The following CFAP46 variants were observed in gnomAD, a reference collection of about 807,000 sequenced individuals.
CFAP46 encodes cilia and flagella associated protein 46.
A neutral mutation model predicts 325.7 loss-of-function variants in CFAP46; 245 were observed. The observed-to-expected ratio is 0.75, with a 90% confidence interval of 0.68 to 0.84. The LOEUF is 0.84. Among genes scored for constraint, CFAP46 ranks in the 40% least tolerant of loss-of-function variants. The probability of loss-of-function intolerance (pLI) is 0.00; values close to 1 mark genes in which losing one functional copy is unlikely to be tolerated. For synonymous variants in CFAP46, 1,523 were observed against 1,495.9 expected (o/e 1.02, Z -0.42); for missense variants, 3,346 against 3,543.0 (o/e 0.94, Z 1.41).
chr10:132,820,870 GTGC>G (rs1438436305), intron 50 of CFAP46, among the ~76,000 whole-genome samples: 5 of 140,770 alleles, frequency 3.6e-5, no homozygotes, highest in Admixed American at 7.0e-5. Context: ...TGTGCTGTGT[GTGC>G]TGATGTGTGC....
At chr10:132,840,273 G>C (rs1179743902) in intron 44 of CFAP46, among the ~76,000 whole-genome samples, 1 of 152,194 alleles carries the variant, frequency 6.6e-6, no homozygotes, top group Non-Finnish European at 1.5e-5. Context: ...CATTCTGTGT[G>C]AACTTTCAAT....
At position 132,827,670 on chromosome 10, in the gene CFAP46, A is replaced by C. The variant is rs372196069; in HGVS notation, c.7117+5688T>G. 3.0e-4 allele frequency among the ~76,000 whole-genome samples: 45 copies of C among 152,164 alleles called. No individual in the cohort carries two copies. The East Asian group carries it at 6.8e-3, about 23-fold the overall frequency. On this transcript the variant is annotated intron_variant, in intron 50 of 57. Coordinates refer to ENST00000368586, the MANE Select transcript of CFAP46 (RefSeq NM_001200049.3). The surrounding 1 kb of genome is among the most constrained non-coding windows in gnomAD (Gnocchi z 5.7). ...ACGGGACTGGACGCTGCACGCCAGC[A>C]AGTCATCGCCACAGCGAAGGTCACG...
intron 39 of CFAP46, 58 bp from the exon 40 acceptor site, chr10:132,851,363 AT>A (rs1848541825): frequency 6.5e-7 from 1 of 1,539,496 alleles, no homozygotes; most frequent in East Asian, 2.3e-5. Context: ...CTGAATCTAC[AT>A]CCCCACAACT....
chr10:132,890,154 C>G (rs1849234455), intron 25 of CFAP46, among the ~76,000 whole-genome samples: 1 of 152,130 alleles, frequency 6.6e-6, no homozygotes, highest in South Asian at 2.1e-4. Context: ...CACAAAACCC[C>G]CCTCCACAGC....
At chr10:132,941,503 G>T in intron 3 of CFAP46, 88 bp downstream of exon 3, 1 of 1,502,666 alleles carries the variant, frequency 6.7e-7, no homozygotes, top group Non-Finnish European at 9.0e-7. Flanking sequence ...CCCTAAGAAC[G>T]ATTTTAAGCC....
At chr10:132,917,750 TCTATGACA>T (rs1564800367) in intron 16 of CFAP46, among the ~76,000 whole-genome samples, 2 of 152,180 alleles carry the variant, frequency 1.3e-5, no homozygotes, top group Non-Finnish European at 2.9e-5. Flanking sequence ...CACAGAAGGT[TCTATGACA>T]ATAAATATCT....
At position 132,874,925 on chromosome 10, in the gene CFAP46, G is replaced by A. The variant is rs570006127; in HGVS notation, c.4362+1887C>T. On this transcript the variant is annotated intron_variant, in intron 31 of 57. Coordinates refer to ENST00000368586, the MANE Select transcript of CFAP46 (RefSeq NM_001200049.3). ...ACCGGAGGTCCTTGCCAGAATATAA[G>A]GCAAGGTAAAGAAAAAACAGTGTAA... Among the ~76,000 whole-genome samples the A allele has an allele frequency of 4.6e-5, 7 of 152,124 alleles. No homozygotes were observed. The East Asian group carries it at 1.4e-3, about 29-fold the overall frequency.
intron 35 of CFAP46, among the ~76,000 whole-genome samples, chr10:132,864,388 G>A (rs1424142313): frequency 1.0e-5 from 1 of 96,166 alleles, no homozygotes. Flanking sequence ...CCTGAGACCT[G>A]CACACACCTG....
intron 4 of CFAP46, among the ~76,000 whole-genome samples, chr10:132,940,417 C>T: frequency 6.6e-6 from 1 of 152,116 alleles, no homozygotes; most frequent in East Asian, 1.9e-4. Flanking sequence ...GTGCAGAAAG[C>T]ACTGATTTTG....
At chr10:132,835,556 C>T in intron 46 of CFAP46, 122 bp from the exon 47 acceptor site, 1 of 1,284,076 alleles carries the variant, frequency 7.8e-7, no homozygotes, top group Non-Finnish European at 1.1e-6. Context: ...GGATGGAAGT[C>T]CCTTCCTTCA....
chr10:132,815,108 G>A (rs1030736431), intron 50 of CFAP46, among the ~76,000 whole-genome samples, 194 bp from the exon 51 acceptor site: 4 of 152,188 alleles, frequency 2.6e-5, no homozygotes, highest in African/African-American at 9.7e-5. Context: ...TCACAGGGTT[G>A]GGAAAGTCCT....
intron 50 of CFAP46, among the ~76,000 whole-genome samples, chr10:132,824,034 ATGTGTGCTGATGTGTGCTG>A (rs1448153738): frequency 3.6e-5 from 3 of 82,314 alleles, no homozygotes; most frequent in African/African-American, 5.3e-5. Context: ...GTGAGTGCTG[ATGTGTGCTGATGTGTGCTG>A]TGTGTGCTGA....
At position 132,851,289 on chromosome 10, in the gene CFAP46, G is replaced by T. The variant is rs146978333; in HGVS notation, c.5591C>A (p.Thr1864Lys). Residue 1864 changes from threonine to lysine, a missense_variant, in exon 40 of 58, where the codon ACG (threonine) becomes AAG (lysine). Transcript: ENST00000368586. ...GCGCGCCAGCTTCCTCATCAGGGGC[G>T]TGTTGACGTTCTGCAACTGAGGGGG... ...LSLQDLQNVN[T>K]PLMRKLARLK... The T allele has an allele frequency of 2.5e-6, 4 of 1,613,720 alleles. No homozygotes were observed. The South Asian group carries it at 3.3e-5, about 13-fold the overall frequency.
At chr10:132,815,301 A>G (rs1437717348) in intron 50 of CFAP46, among the ~76,000 whole-genome samples, 1 of 152,154 alleles carries the variant, frequency 6.6e-6, no homozygotes, top group African/African-American at 2.4e-5. Context: ...CTCTGAGTAG[A>G]TAGTCATGTG....
chr10:132,936,055 A>C (rs1166882108), intron 7 of CFAP46, among the ~76,000 whole-genome samples: 12 of 20,812 alleles, frequency 5.8e-4, no homozygotes, highest in African/African-American at 2.8e-3. Context: ...ACATCCAAAC[A>C]CACTGTGATC....
Position 132,869,465 on chromosome 10 carries a change from C to T in CFAP46, c.4512-93G>A. The T allele has an allele frequency of 1.2e-6, 1 of 856,680 alleles. No individual in the cohort carries two copies. The highest frequency in any genetic ancestry group is 2.2e-5 in the South Asian group (1 of 45,020). The allele number at this position is 856,680 out of a possible 1,614,324, so 53.1% of individuals were successfully genotyped here. On this transcript the variant is annotated intron_variant, in intron 32 of 57. Transcript: ENST00000368586. This position sits in a 1 kb window ranked among gnomAD's most constrained non-coding sequence, Gnocchi z 6.2. ...AGTGTGCTTCACAGAAAACGGTCAA[C>T]TAACACATCGAGGCACACTTGGATG...
At chr10:132,846,842 G>C in intron 43 of CFAP46, 90 bp downstream of exon 43, 3 of 1,439,550 alleles carry the variant, frequency 2.1e-6, no homozygotes, top group Non-Finnish European at 2.8e-6. Context: ...CTCTAATGGA[G>C]TCCCCCCAAG....
chr10:132,851,373 C>G, intron 39 of CFAP46, 68 bp from the exon 40 acceptor site: 1 of 1,461,670 alleles, frequency 6.8e-7, no homozygotes, highest in Non-Finnish European at 9.3e-7. Context: ...ATCCCCACAA[C>G]TTGGATGAGG....
chr10:132,891,546 C>G (rs942262141), intron 25 of CFAP46, among the ~76,000 whole-genome samples: 2 of 152,220 alleles, frequency 1.3e-5, no homozygotes, highest in Non-Finnish European at 2.9e-5. Flanking sequence ...GTATCTTTCT[C>G]TGACATATTT....
Sources: gnomAD v4.1 joint callset for allele counts (sites outside exome capture counted in the v4.1 genomes callset) on GRCh38, gnomAD v4.1.1 for gene constraint, Gnocchi (gnomAD v3.1) non-coding constraint, MANE v1.5 for transcripts, NCBI Gene and HGNC (gene_info 2026-07-23, HGNC 2026-07-21) for gene names.